Variants in ESRRG observed in about 807,000 individuals in gnomAD.
ESRRG encodes estrogen-related receptor gamma.
ESRRG carries 13 observed loss-of-function variants against 44.0 expected under a neutral mutation model. The observed-to-expected ratio is 0.30, with a 90% CI of 0.19 to 0.47. The LOEUF is 0.47. Among genes scored for constraint, ESRRG ranks in the 20% least tolerant of loss-of-function variants. The pLI is 1.00. For synonymous variants in ESRRG, 215 were observed against 214.6 expected (o/e 1.00, Z -0.02); for missense variants, 395 against 580.6 (o/e 0.68, Z 3.29).
In ESRRG at chr1:216,595,940, C is replaced by T. The variant is rs572391792; in HGVS notation, c.590-27842G>A. 2.8e-4 allele frequency among the ~76,000 whole-genome samples: 43 copies of T among 152,232 alleles called. 1 individual carries two copies. The highest frequency in any genetic ancestry group is 1.0e-3 in the African/African-American group (42 of 41,558). ...TAGAAGAAAAGACAAGGGTTTATTG[C>T]CATGTTTCATATGCATGATTTTGAT... On this transcript the variant is annotated intron_variant, in intron 3 of 6. Coordinates refer to ENST00000408911, the MANE Select transcript of ESRRG (RefSeq NM_001438.4).
intron 2 of ESRRG, among the ~76,000 whole-genome samples, chr1:216,657,805 G>A (rs931005512): frequency 6.6e-6 from 1 of 152,074 alleles, no homozygotes; most frequent in African/African-American, 2.4e-5. Flanking sequence ...CTTTGCCTCT[G>A]CACTGTCTCT....
intron 2 of ESRRG, among the ~76,000 whole-genome samples, chr1:216,827,513 T>A (rs1208672804): frequency 6.6e-6 from 1 of 152,340 alleles, no homozygotes; most frequent in East Asian, 1.9e-4. Context: ...AAAACAGGAA[T>A]AATTATGACC....
intron 1 of ESRRG, among the ~76,000 whole-genome samples, chr1:217,032,125 G>A (rs889185988): frequency 6.6e-6 from 1 of 152,142 alleles, no homozygotes; most frequent in Non-Finnish European, 1.5e-5. Context: ...ATGGTACTAT[G>A]TTATATAAAG....
rs1050596220 is a variant in ESRRG, at chr1:216,849,181, T to C, written c.-14+90401A>G. Among the ~76,000 whole-genome samples the C allele has an allele frequency of 3.3e-5, 5 of 152,192 alleles. No individual in the cohort carries two copies. The East Asian group carries it at 7.7e-4, about 23-fold the overall frequency. On this transcript the variant is annotated intron_variant, in intron 2 of 7. Coordinates refer to the ESRRG transcript ENST00000359162. ...TCATTCTTCACCAATATTTACATTG[T>C]TCACTTCAGGTCTGAAAAGGAGTCA...
chr1:216,683,632 G>T (rs1342138540), intron 1 of ESRRG, among the ~76,000 whole-genome samples: 1 of 152,126 alleles, frequency 6.6e-6, no homozygotes, highest in Admixed American at 6.5e-5. Context: ...CTCTGTAAAA[G>T]GCTCTCTGCT....
intron 2 of ESRRG, among the ~76,000 whole-genome samples, chr1:216,754,855 T>C (rs1216020463): frequency 6.6e-6 from 1 of 151,876 alleles, no homozygotes; most frequent in African/African-American, 2.4e-5. Context: ...AACTCCATTA[T>C]AATGGATAAT....
intron 1 of ESRRG, among the ~76,000 whole-genome samples, chr1:217,112,054 G>C (rs2092667556): frequency 6.6e-6 from 1 of 152,090 alleles, no homozygotes; most frequent in Non-Finnish European, 1.5e-5. Flanking sequence ...GGCCAGCCCT[G>C]TGAGTGATCC....
chr1:216,538,926 CTAGA>C (rs1244919096), intron 5 of ESRRG, among the ~76,000 whole-genome samples: 1 of 151,942 alleles, frequency 6.6e-6, no homozygotes, highest in African/African-American at 2.4e-5. Flanking sequence ...ATGATGCCAC[CTAGA>C]TAAACAAATT....
intron 4 of ESRRG, 157 bp from the exon 5 acceptor site, chr1:216,564,537 G>C: frequency 2.1e-6 from 1 of 471,388 alleles, no homozygotes; most frequent in Non-Finnish European, 3.6e-6. Context: ...TAAACGGTGT[G>C]CAGGAAAACT....
chr1:216,607,456 G>A (rs150956014), intron 3 of ESRRG, among the ~76,000 whole-genome samples: 357 of 152,268 alleles, frequency 2.3e-3, no homozygotes, highest in Non-Finnish European at 3.6e-3. Flanking sequence ...GCGCTTGCAC[G>A]GCAATTTACA....
chr1:216,906,537 C>T (rs1388654948), intron 2 of ESRRG, among the ~76,000 whole-genome samples: 1 of 152,186 alleles, frequency 6.6e-6, no homozygotes, highest in Non-Finnish European at 1.5e-5. Flanking sequence ...CACTCTCCCT[C>T]CTACTTCCCT....
intron 2 of ESRRG, among the ~76,000 whole-genome samples, chr1:216,856,072 A>G (rs2095931981): frequency 6.6e-6 from 1 of 152,064 alleles, no homozygotes; most frequent in South Asian, 2.1e-4. Context: ...GTTGACACCT[A>G]TGGATACCAA....
intron 2 of ESRRG, among the ~76,000 whole-genome samples, chr1:216,836,648 A>T (rs1488426031): frequency 6.7e-6 from 1 of 148,464 alleles, no homozygotes; most frequent in African/African-American, 2.5e-5. Flanking sequence ...GCCACCAGCC[A>T]TTGCTTATTT....
intron 1 of ESRRG, among the ~76,000 whole-genome samples, chr1:216,941,765 A>G (rs941345406): frequency 2.0e-5 from 3 of 152,196 alleles, no homozygotes; most frequent in Admixed American, 1.3e-4. Context: ...AATGGGGGGA[A>G]AAAGATTGTA....
intron 1 of ESRRG, among the ~76,000 whole-genome samples, chr1:217,110,033 G>A (rs921878699): frequency 6.6e-6 from 1 of 152,072 alleles, no homozygotes; most frequent in Non-Finnish European, 1.5e-5. Flanking sequence ...TTGTTACTAA[G>A]GAGAATGCTT....
chr1:216,710,881 G>A (rs1432391063), intron 1 of ESRRG, among the ~76,000 whole-genome samples: 1 of 152,126 alleles, frequency 6.6e-6, no homozygotes, highest in African/African-American at 2.4e-5. Context: ...CACAGACAGG[G>A]GGGAAATGCA....
At chr1:217,019,385 C>T (rs987305961) in intron 1 of ESRRG, among the ~76,000 whole-genome samples, 5 of 152,162 alleles carry the variant, frequency 3.3e-5, no homozygotes, top group Non-Finnish European at 7.4e-5. Context: ...CCCACCACTT[C>T]CAGGGGAGTT....
rs550214138 is a variant in ESRRG, at chr1:217,089,171, T to C, written c.-106+336A>G. Among the ~76,000 whole-genome samples the C allele has an allele frequency of 8.3e-4, 126 of 152,116 alleles. 1 individual carries two copies. The highest frequency in any genetic ancestry group is 2.9e-3 in the African/African-American group (119 of 41,510). ...GCGCCCTAACTCTGCCCTCACTCTT[T>C]GCCACTTTACCAAGCACTGAAGTCT... On this transcript the variant is annotated intron_variant, in intron 1 of 7. Transcript: ENST00000359162.
chr1:216,833,451 G>T (rs936146367), intron 2 of ESRRG, among the ~76,000 whole-genome samples: 7 of 152,128 alleles, frequency 4.6e-5, no homozygotes, highest in African/African-American at 1.7e-4. Flanking sequence ...CAAGATATCT[G>T]CTTGTAGATT....
Sources: allele counts gnomAD v4.1 joint callset (sites outside exome capture counted in the v4.1 genomes callset), GRCh38; gene constraint gnomAD v4.1.1; transcripts MANE v1.5; gene names NCBI Gene and HGNC (gene_info 2026-07-23, HGNC 2026-07-21).